The following USP25 variants were observed in gnomAD, a reference collection of about 807,000 sequenced individuals.
USP25 encodes ubiquitin specific peptidase 25.
USP25 carries 85 observed loss-of-function variants against 158.5 expected under a neutral mutation model. That is an observed-to-expected ratio of 0.54 (90% confidence interval 0.45 to 0.64). The LOEUF is 0.64. Among genes scored for constraint, USP25 ranks in the 30% least tolerant of loss-of-function variants. USP25 has a pLI of 0.00. For synonymous variants in USP25, 464 were observed against 460.4 expected, an observed-to-expected ratio of 1.01 and a Z score of -0.10; for missense variants, 1,242 against 1,327.3, an observed-to-expected ratio of 0.94 and a Z score of 1.00.
chr21:15,812,414 C>T (rs1002934738), intron 9 of USP25, among the ~76,000 whole-genome samples: 2 of 151,976 alleles, frequency 1.3e-5, no homozygotes, highest in Non-Finnish European at 1.5e-5. Flanking sequence ...TTCGGGAGCC[C>T]GAGGCTGGTG....
At chr21:15,738,391 T>G (rs1011217929) in intron 1 of USP25, among the ~76,000 whole-genome samples, 1 of 152,248 alleles carries the variant, frequency 6.6e-6, no homozygotes, top group Non-Finnish European at 1.5e-5. Flanking sequence ...ATTATTAAGA[T>G]CTTTATGATA....
intron 1 of USP25, among the ~76,000 whole-genome samples, chr21:15,759,909 CA>C (rs1173013400): frequency 6.6e-6 from 1 of 152,164 alleles, no homozygotes; most frequent in African/African-American, 2.4e-5. Context: ...GTAAATTTGG[CA>C]GTTTATTCAT....
At chr21:15,817,268 T>C (rs568699919) in intron 9 of USP25, among the ~76,000 whole-genome samples, 1 of 152,326 alleles carries the variant, frequency 6.6e-6, no homozygotes, top group South Asian at 2.1e-4. Flanking sequence ...TCTCTTATCC[T>C]GCTCAGTCAA....
At chr21:15,814,978 G>A (rs1317829008) in intron 9 of USP25, among the ~76,000 whole-genome samples, 1 of 152,158 alleles carries the variant, frequency 6.6e-6, no homozygotes, top group African/African-American at 2.4e-5. Context: ...CATAGACCCA[G>A]AGAAGCCTAG....
chr21:15,756,089 T>C (rs1292801658), intron 1 of USP25, among the ~76,000 whole-genome samples: 2 of 152,134 alleles, frequency 1.3e-5, no homozygotes, highest in Admixed American at 6.5e-5. Context: ...CTTAGAAGAA[T>C]AGTCAAAAGA....
intron 5 of USP25, among the ~76,000 whole-genome samples, chr21:15,792,832 G>A (rs1161789439): frequency 6.6e-6 from 1 of 151,412 alleles, no homozygotes; most frequent in African/African-American, 2.4e-5. Flanking sequence ...TAAGTAATAT[G>A]CTATGTTATT....
chr21:15,827,716 AAAAT>A (rs2037581349), intron 14 of USP25, among the ~76,000 whole-genome samples: 1 of 151,828 alleles, frequency 6.6e-6, no homozygotes. Context: ...CAAAATAAGA[AAAAT>A]AAGGACAGTG....
chr21:15,798,681 GT>G (rs1305352289), intron 5 of USP25, among the ~76,000 whole-genome samples: 7 of 151,202 alleles, frequency 4.6e-5, no homozygotes, highest in Non-Finnish European at 8.9e-5. Flanking sequence ...TGCTTATATT[GT>G]TGAATAAATC....
At chr21:15,730,680 C>A (rs901391920) in intron 1 of USP25, among the ~76,000 whole-genome samples, 6 of 152,238 alleles carry the variant, frequency 3.9e-5, no homozygotes, top group African/African-American at 1.4e-4. Context: ...CCGTAGCAGA[C>A]GGTGCCAGGT....
chr21:15,754,839 C>T (rs550265663), intron 1 of USP25, among the ~76,000 whole-genome samples: 1 of 152,228 alleles, frequency 6.6e-6, no homozygotes, highest in Non-Finnish European at 1.5e-5. Flanking sequence ...GAGATTTTTT[C>T]TTCTTCTTTG....
At chr21:15,810,559 T>G (rs16990041) in intron 8 of USP25, among the ~76,000 whole-genome samples, 7,369 of 152,272 alleles carry the variant, frequency 0.048, 222 homozygotes, top group Middle Eastern at 0.19. Context: ...CTTGGAAAAT[T>G]TGTAGATGAC....
chr21:15,836,385 A>G (rs1437061534), intron 17 of USP25, among the ~76,000 whole-genome samples: 1 of 152,238 alleles, frequency 6.6e-6, no homozygotes, highest in East Asian at 1.9e-4. Flanking sequence ...TACTGAGATA[A>G]TAAATGATGG....
chr21:15,756,014 G>GA (rs560774887), intron 1 of USP25, among the ~76,000 whole-genome samples: 236 of 152,268 alleles, frequency 1.5e-3, no homozygotes, highest in African/African-American at 5.4e-3. Context: ...GTGAGGGGCA[G>GA]AACTGTACTG....
intron 11 of USP25, among the ~76,000 whole-genome samples, chr21:15,824,593 GTCTT>G (rs1268062169): frequency 6.6e-6 from 1 of 151,292 alleles, no homozygotes; most frequent in Non-Finnish European, 1.5e-5. Flanking sequence ...TTTTCTGTCT[GTCTT>G]TCTGTCTATC....
chr21:15,744,625 G>A (rs2032373012), intron 1 of USP25, among the ~76,000 whole-genome samples: 1 of 151,116 alleles, frequency 6.6e-6, no homozygotes, highest in East Asian at 2.0e-4. Context: ...CTTCGTTCTT[G>A]TTGCCCAGGC....
At chr21:15,824,286 C>G (rs1404184049) in intron 11 of USP25, 120 bp downstream of exon 11, 1 of 1,128,928 alleles carries the variant, frequency 8.9e-7, no homozygotes, top group African/African-American at 1.6e-5. Context: ...CATAATATAC[C>G]TAATACCATT....
intron 20 of USP25, among the ~76,000 whole-genome samples, chr21:15,862,185 G>A (rs558278842): frequency 2.6e-5 from 4 of 152,100 alleles, no homozygotes; most frequent in South Asian, 4.1e-4. Flanking sequence ...TATGATATAC[G>A]AAATATTTGA....
intron 1 of USP25, among the ~76,000 whole-genome samples, chr21:15,756,995 T>C (rs1468422180): frequency 1.3e-5 from 2 of 152,130 alleles, no homozygotes; most frequent in Non-Finnish European, 2.9e-5. Context: ...AGGACCATAT[T>C]TAGGACATTT....
At chr21:15,783,865 G>A (rs2035117568) in intron 4 of USP25, among the ~76,000 whole-genome samples, 2 of 152,042 alleles carry the variant, frequency 1.3e-5, no homozygotes, top group African/African-American at 4.8e-5. Context: ...AGCTACTTGG[G>A]AGGCTGAGGC....
Sources: gnomAD v4.1 joint callset for allele counts (sites outside exome capture counted in the v4.1 genomes callset) on GRCh38, gnomAD v4.1.1 for gene constraint, MANE v1.5 for transcripts, NCBI Gene and HGNC (gene_info 2026-07-23, HGNC 2026-07-21) for gene names.